Variants in ANKDD1B observed in about 807,000 individuals in gnomAD.
The protein encoded by ANKDD1B is ankyrin repeat and death domain-containing protein 1B.
ANKDD1B carries 57 observed loss-of-function variants against 59.7 expected under a neutral mutation model. The observed-to-expected ratio is 0.95, with a 90% CI of 0.77 to 1.19. The LOEUF is 1.19. Ranked by LOEUF, ANKDD1B falls within the 50% of genes most tolerant of loss-of-function variation. ANKDD1B has a pLI of 0.00. For missense variants in ANKDD1B, 602 were observed against 641.9 expected, an observed-to-expected ratio of 0.94 and a Z score of 0.67; for synonymous variants, 216 against 239.5, an observed-to-expected ratio of 0.90 and a Z score of 0.91.
chr5:75,666,680 C>A, intron 11 of ANKDD1B, 112 bp from the exon 12 acceptor site: 25 of 711,040 alleles, frequency 3.5e-5, no homozygotes, highest in South Asian at 1.2e-4. Context: ...GCATTGAAAA[C>A]ATAGTCTCGG....
intron 10 of ANKDD1B, among the ~76,000 whole-genome samples, chr5:75,659,770 T>G (rs1446606091): frequency 6.6e-6 from 1 of 152,224 alleles, no homozygotes; most frequent in Non-Finnish European, 1.5e-5. Context: ...CAGAGTTTTT[T>G]ATGCATATGC....
At chr5:75,642,465 C>A (rs1486681608) in intron 7 of ANKDD1B, among the ~76,000 whole-genome samples, 14 of 140,004 alleles carry the variant, frequency 1.0e-4, no homozygotes, top group Admixed American at 5.0e-4. Context: ...GTTCCCTTTC[C>A]GAGTCAAAGA....
intron 7 of ANKDD1B, among the ~76,000 whole-genome samples, chr5:75,648,131 T>C (rs575814111): frequency 4.0e-5 from 4 of 101,176 alleles, no homozygotes; most frequent in African/African-American, 1.3e-4. Flanking sequence ...AGGGATAGCA[T>C]TGGGAGATAT....
chr5:75,629,109 A>G (rs963144990), intron 5 of ANKDD1B, among the ~76,000 whole-genome samples: 1 of 152,176 alleles, frequency 6.6e-6, no homozygotes, highest in Non-Finnish European at 1.5e-5. Flanking sequence ...TAGTGAGTAG[A>G]AGGGGACTTG....
rs55640131 is a variant in ANKDD1B, at chr5:75,637,240, C to CAAAAAAAAAAAAAAAAA, written c.798+1375_798+1391dup. Among the ~76,000 whole-genome samples the CAAAAAAAAAAAAAAAAA allele has an allele frequency of 1.0e-3, 72 of 69,928 alleles. 1 individual carries two copies. Among genetic ancestry groups the CAAAAAAAAAAAAAAAAA allele is most frequent in the South Asian group, 1.4e-3 (2 of 1,412 alleles). 45.9% of individuals were successfully genotyped at this position (69,928 alleles called of 152,430 possible). ...AGCCTGGGCGACAGAGACTCTGTCT[C>CAAAAAAAAAAAAAAAAA]AAAAAAAAAAAAAAAAAAAAAAAAA... On this transcript the variant is annotated intron_variant, in intron 7 of 13. Transcript: ENST00000601380.
chr5:75,632,830 G>T (rs1298395271), intron 5 of ANKDD1B, among the ~76,000 whole-genome samples: 1 of 152,036 alleles, frequency 6.6e-6, no homozygotes, highest in East Asian at 1.9e-4. Flanking sequence ...TCTCCTTTTG[G>T]ACTCTGAGCT....
At chr5:75,616,366 C>T (rs1356539713) in intron 1 of ANKDD1B, among the ~76,000 whole-genome samples, 1 of 152,198 alleles carries the variant, frequency 6.6e-6, no homozygotes, top group Non-Finnish European at 1.5e-5. Context: ...ATTTTGAAAT[C>T]TTCATGCAGG....
At chr5:75,611,927 G>A (rs1773569866) in intron 1 of ANKDD1B, 100 bp downstream of exon 1, 11 of 1,019,268 alleles carry the variant, frequency 1.1e-5, no homozygotes, top group Non-Finnish European at 1.4e-5. Context: ...GACGCTGCAG[G>A]AGGGAAACTG....
chr5:75,624,358 C>G (rs554633966), intron 3 of ANKDD1B, among the ~76,000 whole-genome samples: 1 of 152,138 alleles, frequency 6.6e-6, no homozygotes, highest in Non-Finnish European at 1.5e-5. Context: ...ACTTAGGGCC[C>G]GGGGTGCAGA....
rs1773729827 is a variant in ANKDD1B, at chr5:75,616,849, A to G, written c.239A>G (p.Asn80Ser). The G allele has an allele frequency of 6.5e-7, 1 of 1,533,298 alleles. No individual in the cohort carries two copies. The highest frequency in any genetic ancestry group is 8.7e-7 in the Non-Finnish European group (1 of 1,144,666). 95.0% of individuals were successfully genotyped at this position (1,533,298 alleles called of 1,614,324 possible). ...RSFQNAAKSNNLDLMEKLFEK... is the reference protein window; with the variant it reads ...RSFQNAAKSNSLDLMEKLFEK... ...TTTCAGAATGCTGCTAAAAGCAATA[A>G]TTTGGATCTTATGGAGAAGCTGTTT... The change falls in exon 2 of 14, where the codon AAT becomes AGT. Residue 80 changes from asparagine to serine, a missense_variant. Asn to Ser is a conservative substitution (Grantham distance 46). This residue lies in a region of ANKDD1B where 317 missense variants were observed against 304.6 expected (regional missense o/e 1.04). Coordinates refer to ENST00000601380, the MANE Select transcript of ANKDD1B (RefSeq NM_001276713.2).
intron 5 of ANKDD1B, among the ~76,000 whole-genome samples, chr5:75,633,366 G>A (rs1034543671): frequency 6.6e-6 from 1 of 152,150 alleles, no homozygotes; most frequent in African/African-American, 2.4e-5. Context: ...ACCTCTGTAG[G>A]ACTGATCTTT....
chr5:75,647,504 CTCA>C (rs1184186788), intron 7 of ANKDD1B, among the ~76,000 whole-genome samples: 1 of 124,272 alleles, frequency 8.0e-6, no homozygotes, highest in Non-Finnish European at 1.6e-5. Context: ...TGAAAAAATG[CTCA>C]TCATCACTGG....
chr5:75,623,107 T>TC (rs1432367285), intron 3 of ANKDD1B, among the ~76,000 whole-genome samples: 2 of 152,202 alleles, frequency 1.3e-5, no homozygotes, highest in African/African-American at 4.8e-5. Context: ...AGGTGGAGTT[T>TC]CACTCTTGTT....
intron 1 of ANKDD1B, among the ~76,000 whole-genome samples, chr5:75,612,318 G>GC (rs757100948): frequency 0.014 from 1,378 of 99,550 alleles, 16 homozygotes; most frequent in East Asian, 0.053. Flanking sequence ...GTCTGCCCCC[G>GC]CCCCCCCCCG....
chr5:75,634,959 T>A lies in ANKDD1B; in HGVS notation c.662T>A (p.Leu221His), dbSNP rs1328492667. 1.3e-6 allele frequency: 2 copies of A among 1,535,668 alleles called. No homozygotes were observed. Among genetic ancestry groups the A allele is most frequent in the South Asian group, 1.2e-5 (1 of 84,048 alleles). Residue 221 changes from leucine to histidine, a missense_variant, in exon 6 of 14, where the codon CTT (leucine) becomes CAT (histidine). By Grantham distance (99) the Leu-to-His change is moderately conservative. Around this residue, in one of 3 missense-constraint regions of ANKDD1B, gnomAD observed 317 missense variants for 304.6 expected, o/e 1.04. Transcript: ENST00000601380. ...ERGHVEMIEK[L>H]TFLNLHTSEK... ...GGCCATGTTGAAATGATAGAAAAAC[T>A]TACCTTCCTAAACCTGCATACTTCA...
chr5:75,647,609 C>G (rs1579960094), intron 7 of ANKDD1B, among the ~76,000 whole-genome samples: 1 of 76,188 alleles, frequency 1.3e-5, no homozygotes, highest in East Asian at 3.3e-4. Context: ...ACAACAGGTG[C>G]TGGAGAGGAT....
rs534085230 is a variant in ANKDD1B at position 75,656,346 on chromosome 5, G to A, written c.996+219G>A. Among the ~76,000 whole-genome samples, 7 of 152,198 alleles carry A rather than the reference G, an allele frequency of 4.6e-5. No individual in the cohort carries two copies. In the South Asian group the frequency reaches 1.2e-3, roughly 27 times the overall value. On this transcript the variant is annotated intron_variant, in intron 9 of 13. Coordinates refer to ENST00000601380, the MANE Select transcript of ANKDD1B (RefSeq NM_001276713.2). ...CACACAACTGGAGTTCAGCCATTGCGTGATTAAATCCTTCATGTTTAACAG... is the reference window on the plus strand; with the variant it reads ...CACACAACTGGAGTTCAGCCATTGCATGATTAAATCCTTCATGTTTAACAG...
chr5:75,658,864 A>T (rs1209485412), intron 9 of ANKDD1B, among the ~76,000 whole-genome samples: 1 of 152,206 alleles, frequency 6.6e-6, no homozygotes, highest in Admixed American at 6.5e-5. Flanking sequence ...ATTTGGTATA[A>T]TATCACCACC....
chr5:75,653,185 C>A lies in ANKDD1B; in HGVS notation c.842C>A (p.Ala281Glu), dbSNP rs528350465. 4 of 1,536,132 alleles carry A rather than the reference C, an allele frequency of 2.6e-6. No homozygotes were observed. The South Asian group carries it at 4.8e-5, about 18-fold the overall frequency. Residue 281 changes from alanine (A) to glutamate (E), a missense_variant, in exon 8 of 14, where the codon GCA (alanine) becomes GAA (glutamate). By Grantham distance (107) the Ala-to-Glu change is moderately radical. Transcript: ENST00000601380. ...CAGATAGCAACCAGGAACGGCCATG[C>A]ATCCCTTGTCAACTTTCTTCTCAGT... ...SLQIATRNGHASLVNFLLSEN... is the reference protein window; with the variant it reads ...SLQIATRNGHESLVNFLLSEN...
Sources: allele counts gnomAD v4.1 joint callset (sites outside exome capture counted in the v4.1 genomes callset), GRCh38; gene constraint gnomAD v4.1.1; regional missense constraint gnomAD v4.1.1; transcripts MANE v1.5; gene names NCBI Gene and HGNC (gene_info 2026-07-23, HGNC 2026-07-21).